The following DACH1 variants were observed in gnomAD, a reference collection of about 807,000 sequenced individuals.
DACH1 encodes the protein dachshund homolog 1.
Under a neutral mutation model 54.2 loss-of-function variants are expected in DACH1, and 12 were observed. That is an observed-to-expected ratio of 0.22 (90% CI 0.14 to 0.36). The LOEUF (loss-of-function observed/expected upper bound fraction) is 0.36. Among genes scored for constraint, DACH1 ranks in the 10% least tolerant of loss-of-function variants. DACH1 has a pLI of 1.00. For synonymous variants in DACH1, 386 were observed against 366.2 expected, an observed-to-expected ratio of 1.05 and a Z score of -0.62; for missense variants, 805 against 929.8, an observed-to-expected ratio of 0.87 and a Z score of 1.75.
At chr13:71,650,120 T>C (rs1167601516) in intron 2 of DACH1, among the ~76,000 whole-genome samples, 1 of 152,228 alleles carries the variant, frequency 6.6e-6, no homozygotes, top group Non-Finnish European at 1.5e-5. Context: ...TTTGTTCACA[T>C]TGAAATAGCC....
intron 2 of DACH1, among the ~76,000 whole-genome samples, 172 bp from the exon 3 acceptor site, chr13:71,630,889 A>G (rs1008358845): frequency 6.6e-6 from 1 of 152,190 alleles, no homozygotes; most frequent in Non-Finnish European, 1.5e-5. Flanking sequence ...ACATTGATAT[A>G]AGGGGGAGAT....
chr13:71,451,013 TAAC>T (rs1874992453), intron 10 of DACH1, among the ~76,000 whole-genome samples: 4 of 152,118 alleles, frequency 2.6e-5, no homozygotes, highest in Admixed American at 2.0e-4. Flanking sequence ...TGTATTACCA[TAAC>T]AACAACCAAG....
chr13:71,713,800 T>C (rs148629395), intron 1 of DACH1, among the ~76,000 whole-genome samples: 209 of 152,224 alleles, frequency 1.4e-3, no homozygotes, highest in African/African-American at 4.9e-3. Flanking sequence ...TTCAAGAATT[T>C]GTAATACTAC....
intron 6 of DACH1, among the ~76,000 whole-genome samples, chr13:71,507,149 C>A (rs1047359692): frequency 1.3e-5 from 2 of 152,038 alleles, no homozygotes; most frequent in African/African-American, 4.8e-5. Context: ...ATTTTTGCAA[C>A]CTACTCATCT....
At chr13:71,797,593 C>T (rs1019100576) in intron 1 of DACH1, among the ~76,000 whole-genome samples, 2 of 152,024 alleles carry the variant, frequency 1.3e-5, no homozygotes, top group African/African-American at 4.8e-5. Flanking sequence ...TGGGGAGACA[C>T]CATTTGGTAG....
At chr13:71,447,766 G>A (rs1566264605) in intron 10 of DACH1, among the ~76,000 whole-genome samples, 1 of 149,116 alleles carries the variant, frequency 6.7e-6, no homozygotes, top group Non-Finnish European at 1.5e-5. Flanking sequence ...CCAGGAAGCG[G>A]AAGTTGCAGT....
chr13:71,619,244 T>C (rs945967775), intron 3 of DACH1, among the ~76,000 whole-genome samples: 2 of 152,038 alleles, frequency 1.3e-5, no homozygotes, highest in South Asian at 2.1e-4. Context: ...AGCAAAGGAT[T>C]AAAATTCCTC....
At chr13:71,441,889 T>TA (rs1019133713) in intron 10 of DACH1, among the ~76,000 whole-genome samples, 47 of 152,068 alleles carry the variant, frequency 3.1e-4, no homozygotes, top group African/African-American at 1.1e-3. Flanking sequence ...CCTTCCTTTT[T>TA]AAAAAATGTT....
chr13:71,866,589 C>T lies in DACH1; in HGVS notation c.181G>A (p.Ala61Thr). ...GTGGCCGCCGCCGCCGCCGCCGAAG[C>T]GATGGGCTCCGGGCGGAACAGAGTT... The part of the protein sequence containing the change: ...GPTLFRPEPI[A>T]SAAAAAATVT... Residue 61 changes from alanine to threonine, a missense_variant, in exon 1 of 11, where the codon GCT becomes ACT. Physicochemically the swap from Ala to Thr is moderately conservative, Grantham distance 58. This residue lies in a region of DACH1 where 305 missense variants were observed against 308.7 expected (regional missense o/e 0.99). Transcript: ENST00000613252. 7.7e-7 allele frequency: 1 copy of T among 1,296,884 alleles called. No homozygotes were observed. The highest frequency in any genetic ancestry group is 9.8e-7 in the Non-Finnish European group (1 of 1,019,630). 80.3% of individuals were successfully genotyped at this position (1,296,884 alleles called of 1,614,324 possible). A position where few individuals can be genotyped will look rare whatever the true frequency, so the allele number is the denominator to read the frequency against.
intron 6 of DACH1, among the ~76,000 whole-genome samples, chr13:71,495,224 A>T (rs1879303825): frequency 6.6e-6 from 1 of 152,100 alleles, no homozygotes; most frequent in African/African-American, 2.4e-5. Flanking sequence ...TTAAAATGGA[A>T]AATATCTCCA....
chr13:71,466,288 T>A (rs1019392102), intron 10 of DACH1, among the ~76,000 whole-genome samples: 2 of 152,184 alleles, frequency 1.3e-5, no homozygotes, highest in Non-Finnish European at 2.9e-5. Context: ...CCAGATACTA[T>A]TTAAGCCCAA....
intron 1 of DACH1, 91 bp downstream of exon 1, chr13:71,865,831 C>T: frequency 7.5e-7 from 1 of 1,336,872 alleles, no homozygotes; most frequent in Non-Finnish European, 9.5e-7. Context: ...CGCGGGCGCG[C>T]AGAGCGAGCG....
chr13:71,740,171 A>G (rs963205290), intron 1 of DACH1, among the ~76,000 whole-genome samples: 14 of 152,112 alleles, frequency 9.2e-5, no homozygotes, highest in African/African-American at 2.7e-4. Flanking sequence ...TGCTCACTCT[A>G]TTTTCTCAAG....
In DACH1 at chr13:71,557,019, A is replaced by G; in HGVS notation, c.1570+5T>C. 6.3e-7 allele frequency: 1 copy of G among 1,596,538 alleles called. No homozygotes were observed. The highest frequency in any genetic ancestry group is 8.5e-7 in the Non-Finnish European group (1 of 1,173,616). On this transcript the variant is annotated splice_donor_5th_base_variant and intron_variant, in intron 6 of 10. Coordinates refer to ENST00000613252, the MANE Select transcript of DACH1 (RefSeq NM_080759.6). ...AAAAACAAGGAATATATAATCATAC[A>G]TTACCTTTTTCAATATGCATCCTTT...
At position 71,751,317 on chromosome 13, in the gene DACH1, T is replaced by G. The variant is rs151163079; in HGVS notation, c.849-69407A>C. 1.9e-4 allele frequency among the ~76,000 whole-genome samples: 29 copies of G among 152,318 alleles called. 1 individual carries two copies. The highest frequency in any genetic ancestry group is 6.7e-4 in the African/African-American group (28 of 41,570). On this transcript the variant is annotated intron_variant, in intron 1 of 10. Coordinates refer to ENST00000613252, the MANE Select transcript of DACH1 (RefSeq NM_080759.6). ...TAATAACATCACACTGCATTCTTAT[T>G]TGGCAACAACAGCTATGACAGCACC...
intron 6 of DACH1, among the ~76,000 whole-genome samples, chr13:71,553,954 T>G (rs960934491): frequency 6.6e-6 from 1 of 151,924 alleles, no homozygotes; most frequent in African/African-American, 2.4e-5. Context: ...TCTAAAGAAT[T>G]AATTGTCCTT....
chr13:71,507,924 T>A (rs1383708501), intron 6 of DACH1, among the ~76,000 whole-genome samples: 1 of 152,188 alleles, frequency 6.6e-6, no homozygotes, highest in Non-Finnish European at 1.5e-5. Context: ...ACATAAAAAT[T>A]CTATAAATGT....
chr13:71,782,604 T>G (rs1286455547), intron 1 of DACH1, among the ~76,000 whole-genome samples: 1 of 152,202 alleles, frequency 6.6e-6, no homozygotes, highest in Non-Finnish European at 1.5e-5. Flanking sequence ...GAATAGTTTC[T>G]TTACAAATCT....
intron 1 of DACH1, among the ~76,000 whole-genome samples, chr13:71,805,135 T>A (rs1041436209): frequency 2.0e-5 from 3 of 152,198 alleles, no homozygotes; most frequent in Admixed American, 1.3e-4. Flanking sequence ...ATTTTTAATT[T>A]CAGAGAAAGT....
Sources: allele counts gnomAD v4.1 joint callset (sites outside exome capture counted in the v4.1 genomes callset), GRCh38; gene constraint gnomAD v4.1.1; regional missense constraint gnomAD v4.1.1; transcripts MANE v1.5; gene names NCBI Gene and HGNC (gene_info 2026-07-23, HGNC 2026-07-21).